The following ZNF454 variants were observed in gnomAD, a reference collection of about 807,000 sequenced individuals.
The protein encoded by ZNF454 is zinc finger protein 454.
In ZNF454, 30 loss-of-function variants were observed where a neutral mutation model predicts 48.2. The ratio of observed to expected loss-of-function variants is 0.62; its 90% CI spans 0.47 to 0.84. The LOEUF is 0.84. Ranked by LOEUF, ZNF454 falls within the 40% of genes least tolerant of loss-of-function variation. The probability of loss-of-function intolerance (pLI) is 0.00; values close to 1 mark genes in which losing one functional copy is unlikely to be tolerated. For synonymous variants in ZNF454, 204 were observed against 211.4 expected (o/e 0.97, Z 0.30); for missense variants, 510 against 623.1 (o/e 0.82, Z 1.93).
rs1759247272 is a variant in ZNF454 at position 178,944,848 on chromosome 5, A to G, written c.34-1511A>G. Among the ~76,000 whole-genome samples, 1 of 152,160 alleles carries G rather than the reference A, an allele frequency of 6.6e-6. No individual in the cohort carries two copies. Among genetic ancestry groups the G allele is most frequent in the Admixed American group, 6.5e-5 (1 of 15,288 alleles). Reference sequence around the variant, plus strand: ...AGCTGTGATAGCTACTGGATTTTACATGCTAGGTTAGGTTTCGGCTACACC... The same window carrying G: ...AGCTGTGATAGCTACTGGATTTTACGTGCTAGGTTAGGTTTCGGCTACACC... On this transcript the variant is annotated intron_variant, in intron 2 of 4. Coordinates refer to ENST00000519564, the MANE Select transcript of ZNF454 (RefSeq NM_001178089.3). This position sits in a 1 kb window ranked among gnomAD's most constrained non-coding sequence, Gnocchi z 4.1.
the ZNF454 span, chr5:178,986,189 G>C: frequency 6.8e-6 from 11 of 1,614,102 alleles, no homozygotes; most frequent in Non-Finnish European, 9.3e-6. Flanking sequence ...ATGAAGGGAG[G>C]GGGTGTGACC....
chr5:178,956,485 C>T (rs1554110596), intron 4 of ZNF454, among the ~76,000 whole-genome samples: 2 of 144,140 alleles, frequency 1.4e-5, no homozygotes, highest in South Asian at 2.2e-4. Flanking sequence ...AGGCATCTTC[C>T]GTCCAGAGCA....
chr5:178,983,357 G>A, the ZNF454 span: 1 of 787,938 alleles, frequency 1.3e-6, no homozygotes, highest in Non-Finnish European at 2.2e-6. Context: ...CTTCGTGGTG[G>A]CTCTCAGGAG....
chr5:178,973,603 G>A, the ZNF454 span, among the ~76,000 whole-genome samples: 1 of 152,114 alleles, frequency 6.6e-6, no homozygotes, highest in African/African-American at 2.4e-5. Flanking sequence ...CAGCACTTTG[G>A]GAGGCCGAAG....
At chr5:178,956,688 TTTA>T (rs1354700895) in intron 4 of ZNF454, among the ~76,000 whole-genome samples, 2 of 143,570 alleles carry the variant, frequency 1.4e-5, no homozygotes, top group East Asian at 2.1e-4. Flanking sequence ...TATTTATTTA[TTTA>T]TTTATTTATT....
the ZNF454 span, chr5:178,981,730 C>T: frequency 2.7e-5 from 44 of 1,614,038 alleles, no homozygotes; most frequent in African/African-American, 4.4e-4. The surrounding 1 kb of genome is among the most constrained non-coding windows in gnomAD (Gnocchi z 5.1). Flanking sequence ...GCTCCGCTTT[C>T]GCTTCTGCAC....
the ZNF454 span, chr5:178,978,484 G>A: frequency 4.6e-5 from 7 of 152,338 alleles, no homozygotes; most frequent in South Asian, 1.5e-3. Flanking sequence ...TGTGTCAGAA[G>A]ATTCACACAA....
At position 178,951,522 on chromosome 5, in the gene ZNF454, G is replaced by C. The variant is rs77348835; in HGVS notation, c.250+4536G>C. ...TAAGCAATATTTGCTTTGCCGTTGC[G>C]TGCTTTAAAACTTAACATGTATGTA... On this transcript the variant is annotated intron_variant, in intron 4 of 4. Transcript: ENST00000519564. Among the ~76,000 whole-genome samples, 49 of 152,224 alleles carry C rather than the reference G, an allele frequency of 3.2e-4. 1 individual carries two copies. The highest frequency in any genetic ancestry group is 1.1e-3 in the African/African-American group (47 of 41,540).
At chr5:178,983,128 C>T in the ZNF454 span, 1 of 1,613,688 alleles carries the variant, frequency 6.2e-7, no homozygotes, top group Non-Finnish European at 8.5e-7. Flanking sequence ...TTGAGCACCC[C>T]TCTGGCCTGC....
the ZNF454 span, among the ~76,000 whole-genome samples, chr5:178,987,794 G>C: frequency 0.96 from 146,445 of 151,920 alleles, 70,833 homozygotes; most frequent in East Asian, 1. Context: ...GAGTCTCACT[G>C]TGTCGCCCAG....
downstream of ZNF454, among the ~76,000 whole-genome samples, chr5:178,967,997 C>T (rs571425066): frequency 6.6e-6 from 1 of 152,018 alleles, no homozygotes; most frequent in African/African-American, 2.4e-5. Flanking sequence ...CCTCGGCCTC[C>T]CCAGGTGCTG....
In ZNF454 at chr5:178,946,028, C is replaced by T. The variant is rs555321514; in HGVS notation, c.34-331C>T. Among the ~76,000 whole-genome samples the T allele has an allele frequency of 1.3e-5, 2 of 151,970 alleles. No individual in the cohort carries two copies. The highest frequency in any genetic ancestry group is 6.6e-5 in the Admixed American group (1 of 15,238). Reference sequence around the variant, plus strand: ...TGCTGAGACCTGCGTAGGATTTGGTCCCCTGGGGTGAGCGGAGAGGCAGGG... The same window carrying T: ...TGCTGAGACCTGCGTAGGATTTGGTTCCCTGGGGTGAGCGGAGAGGCAGGG... On this transcript the variant is annotated intron_variant, in intron 2 of 4. Coordinates refer to ENST00000519564, the MANE Select transcript of ZNF454 (RefSeq NM_001178089.3). The surrounding 1 kb of genome is among the most constrained non-coding windows in gnomAD (Gnocchi z 4.5).
chr5:178,986,233 C>T, the ZNF454 span: 217 of 1,614,114 alleles, frequency 1.3e-4, 1 homozygote, highest in African/African-American at 1.6e-3. Context: ...GCGGTAGATA[C>T]GGTTGGTCTT....
chr5:178,967,835 G>A (rs146219853), downstream of ZNF454, among the ~76,000 whole-genome samples: 134 of 151,070 alleles, frequency 8.9e-4, no homozygotes, highest in African/African-American at 3.1e-3. Context: ...CACCTCCTGG[G>A]TTCAAGTGAT....
chr5:178,957,162 G>A (rs1759802424), intron 4 of ZNF454, among the ~76,000 whole-genome samples: 1 of 151,928 alleles, frequency 6.6e-6, no homozygotes. Context: ...GATTACAGGC[G>A]TGAGCCACCG....
At chr5:178,973,701 G>A in the ZNF454 span, among the ~76,000 whole-genome samples, 24 of 152,046 alleles carry the variant, frequency 1.6e-4, no homozygotes, top group Non-Finnish European at 2.2e-4. Flanking sequence ...AAAATTAGCC[G>A]GTGTGGTGGC....
the ZNF454 span, chr5:178,977,324 C>G: frequency 2.3e-6 from 1 of 437,024 alleles, no homozygotes; most frequent in Non-Finnish European, 4.6e-6. Context: ...TAAAAGAGAC[C>G]CCAGGGTGCC....
the ZNF454 span, chr5:178,983,300 G>A: frequency 7.9e-7 from 1 of 1,259,900 alleles, no homozygotes; most frequent in Middle Eastern, 1.8e-4. Context: ...GCCCCTGCGG[G>A]TCAGGATCCC....
chr5:178,963,772 G>T (rs1009805734), intron 4 of ZNF454, among the ~76,000 whole-genome samples: 1 of 151,672 alleles, frequency 6.6e-6, no homozygotes, highest in Non-Finnish European at 1.5e-5. Flanking sequence ...GCAATAGGAG[G>T]TCCTTATTTT....
Sources: allele counts gnomAD v4.1 joint callset (sites outside exome capture counted in the v4.1 genomes callset), GRCh38; gene constraint gnomAD v4.1.1; non-coding constraint Gnocchi (gnomAD v3.1); transcripts MANE v1.5; gene names NCBI Gene and HGNC (gene_info 2026-07-23, HGNC 2026-07-21).